The following ENOX1 variants were observed in gnomAD, a reference collection of about 807,000 sequenced individuals.
ENOX1 encodes ecto-NOX disulfide-thiol exchanger 1.
In ENOX1, 42 loss-of-function variants were observed where a neutral mutation model predicts 82.5. The observed-to-expected ratio is 0.51, with a 90% CI of 0.40 to 0.66. The LOEUF (loss-of-function observed/expected upper bound fraction) is 0.66. ENOX1 is among the 30% of genes least tolerant of loss of function. ENOX1 has a pLI of 0.00. For synonymous variants in ENOX1, 271 were observed against 282.2 expected (o/e 0.96, Z 0.40); for missense variants, 608 against 811.6 (o/e 0.75, Z 3.05).
At chr13:43,648,171 T>C (rs2083986539) in intron 2 of ENOX1, among the ~76,000 whole-genome samples, 1 of 152,216 alleles carries the variant, frequency 6.6e-6, no homozygotes, top group Admixed American at 6.5e-5. Context: ...ATTCTTCCAC[T>C]AGGGAAAGAT....
chr13:43,269,422 T>C (rs2044562759), intron 13 of ENOX1, 48 bp downstream of exon 13: 1 of 1,395,442 alleles, frequency 7.2e-7, no homozygotes, highest in Admixed American at 1.7e-5. Context: ...AGGTATGCAA[T>C]GGGGTGTTTG....
chr13:43,769,723 C>T (rs1951481352), intron 1 of ENOX1, among the ~76,000 whole-genome samples: 1 of 152,212 alleles, frequency 6.6e-6, no homozygotes. Flanking sequence ...TTCTCTTTGC[C>T]TTCCTCGTGA....
rs2055250403 is a variant in ENOX1 at position 43,425,595 on chromosome 13, T to TAG, written c.-74-12608_-74-12607insCT. ...ACAGTCTTACAGACCAAAGGACCCA[T>TAG]CTGCCTCTGAGCAACTAGTCTATTT... On this transcript the variant is annotated intron_variant, in intron 3 of 16. Coordinates refer to ENST00000690772, the MANE Select transcript of ENOX1 (RefSeq NM_001347969.2). Among the ~76,000 whole-genome samples the TAG allele has an allele frequency of 6.6e-5, 10 of 152,326 alleles. No individual in the cohort carries two copies. In the East Asian group the frequency reaches 1.9e-3, roughly 29 times the overall value.
intron 3 of ENOX1, among the ~76,000 whole-genome samples, chr13:43,442,605 C>A (rs1570449): frequency 0.59 from 89,992 of 151,940 alleles, 28,829 homozygotes; most frequent in Non-Finnish European, 0.74. Flanking sequence ...AAAATGGAAA[C>A]CTTTAAATAA....
chr13:43,317,331 T>G (rs1217654761), intron 11 of ENOX1, among the ~76,000 whole-genome samples: 1 of 152,178 alleles, frequency 6.6e-6, no homozygotes, highest in Non-Finnish European at 1.5e-5. Flanking sequence ...CCTGGTCTGG[T>G]ATTTAGTAAC....
At chr13:43,558,651 A>G (rs1294392016) in intron 2 of ENOX1, among the ~76,000 whole-genome samples, 2 of 152,218 alleles carry the variant, frequency 1.3e-5, no homozygotes, top group African/African-American at 2.4e-5. Context: ...AACATTAAAC[A>G]GACTGGACGA....
At chr13:43,461,355 T>C (rs9533498) in intron 3 of ENOX1, among the ~76,000 whole-genome samples, 72,971 of 152,124 alleles carry the variant, frequency 0.48, 18,004 homozygotes, top group African/African-American at 0.53. Flanking sequence ...TATGTATTCA[T>C]CTACATTCAT....
At chr13:43,712,028 T>C (rs1209916126) in intron 1 of ENOX1, among the ~76,000 whole-genome samples, 2 of 151,430 alleles carry the variant, frequency 1.3e-5, no homozygotes, top group African/African-American at 4.9e-5. Flanking sequence ...ATGCCTAGGT[T>C]TTCTTCTAGG....
At chr13:43,676,504 G>C (rs9533581) in intron 1 of ENOX1, among the ~76,000 whole-genome samples, 13,236 of 152,176 alleles carry the variant, frequency 0.087, 886 homozygotes, top group African/African-American at 0.19. Flanking sequence ...AACAGTGAAG[G>C]GGTGTCCGCC....
chr13:43,705,345 TTTGTA>T (rs1168426332), intron 1 of ENOX1, among the ~76,000 whole-genome samples: 7 of 37,942 alleles, frequency 1.8e-4, no homozygotes, highest in African/African-American at 7.1e-4. Flanking sequence ...TATATATATA[TTTGTA>T]ATATATATAT....
intron 2 of ENOX1, among the ~76,000 whole-genome samples, chr13:43,487,250 G>A (rs990316494): frequency 1.1e-4 from 16 of 152,022 alleles, no homozygotes; most frequent in Admixed American, 7.2e-4. Flanking sequence ...GATGGAAAAC[G>A]TGCTATGAAG....
At chr13:43,560,606 T>A (rs1055575106) in intron 2 of ENOX1, among the ~76,000 whole-genome samples, 1 of 152,202 alleles carries the variant, frequency 6.6e-6, no homozygotes, top group Admixed American at 6.5e-5. Context: ...GTCCCTTGTT[T>A]CACAGAGAAA....
chr13:43,482,237 C>T (rs1014795398), intron 3 of ENOX1, among the ~76,000 whole-genome samples: 1 of 152,148 alleles, frequency 6.6e-6, no homozygotes, highest in African/African-American at 2.4e-5. Context: ...GTGGAAAGAA[C>T]CTAAATGCCC....
intron 2 of ENOX1, among the ~76,000 whole-genome samples, chr13:43,561,153 C>A (rs2079648366): frequency 6.6e-6 from 1 of 150,662 alleles, no homozygotes. Context: ...ACAGTGATTA[C>A]CCTAGATTTT....
At chr13:43,537,064 G>A (rs2078492058) in intron 2 of ENOX1, among the ~76,000 whole-genome samples, 1 of 152,204 alleles carries the variant, frequency 6.6e-6, no homozygotes, top group South Asian at 2.1e-4. Flanking sequence ...TGAATACTGA[G>A]AGACTGGTTC....
chr13:43,481,223 T>A (rs566015073), intron 3 of ENOX1, among the ~76,000 whole-genome samples: 2 of 152,242 alleles, frequency 1.3e-5, no homozygotes, highest in East Asian at 3.9e-4. Context: ...CTATATATTA[T>A]ATACAGAGTT....
rs58120566 is a variant in ENOX1, at chr13:43,593,669, T to TACAC, written c.-219+73806_-219+73809dup. Among the ~76,000 whole-genome samples the TACAC allele has an allele frequency of 6.5e-4, 45 of 69,242 alleles. 1 individual carries two copies. Among genetic ancestry groups the TACAC allele is most frequent in the African/African-American group, 2.7e-3 (45 of 16,852 alleles). 45.4% of individuals were successfully genotyped at this position (69,242 alleles called of 152,430 possible). ...CCCCCACCCTGCCACCCAATCTCTGTACACACACACACACACACACACACA... is the reference window on the plus strand; with the variant it reads ...CCCCCACCCTGCCACCCAATCTCTGTACACACACACACACACACACACACACACA... On this transcript the variant is annotated intron_variant, in intron 2 of 16. Transcript: ENST00000690772.
At chr13:43,763,685 CAGA>C in intron 1 of ENOX1, among the ~76,000 whole-genome samples, 1 of 152,270 alleles carries the variant, frequency 6.6e-6, no homozygotes, top group African/African-American at 2.4e-5. Flanking sequence ...AGTACAATGT[CAGA>C]TTGATTTAAT....
At chr13:43,438,229 G>C (rs1228635205) in intron 3 of ENOX1, among the ~76,000 whole-genome samples, 1 of 152,150 alleles carries the variant, frequency 6.6e-6, no homozygotes, top group Non-Finnish European at 1.5e-5. Context: ...GTAATTTAGA[G>C]CAATAATTCT....
Sources: gnomAD v4.1 joint callset for allele counts (sites outside exome capture counted in the v4.1 genomes callset) on GRCh38, gnomAD v4.1.1 for gene constraint, MANE v1.5 for transcripts, NCBI Gene and HGNC (gene_info 2026-07-23, HGNC 2026-07-21) for gene names.